Variants in RALGAPA1 observed in about 807,000 individuals in gnomAD.
RALGAPA1 encodes the protein ral GTPase-activating protein subunit alpha-1.
RALGAPA1 carries 52 observed loss-of-function variants against 269.6 expected under a neutral mutation model. The observed-to-expected ratio is 0.19, with a 90% CI of 0.15 to 0.24. The LOEUF is 0.24. Among genes scored for constraint, RALGAPA1 ranks in the 10% least tolerant of loss-of-function variants. The pLI is 1.00. For missense variants in RALGAPA1, 1,917 were observed against 3,013.9 expected, an observed-to-expected ratio of 0.64 and a Z score of 8.52; for synonymous variants, 817 against 1,008.3, an observed-to-expected ratio of 0.81 and a Z score of 3.60.
At chr14:35,682,036 T>A (rs1156857711) in intron 21 of RALGAPA1, among the ~76,000 whole-genome samples, 7 of 152,228 alleles carry the variant, frequency 4.6e-5, no homozygotes, top group Non-Finnish European at 7.3e-5. Flanking sequence ...ATGAATATAC[T>A]ACAATTTATT....
rs113990633 is a variant in RALGAPA1, at chr14:35,542,351, A to AG, written c.*24-2662dup. The AG allele has an allele frequency of 3.5e-4, 59 of 168,692 alleles. 1 individual carries two copies. Among genetic ancestry groups the AG allele is most frequent in the Middle Eastern group, 2.7e-3 (1 of 364 alleles). 10.4% of individuals were successfully genotyped at this position (168,692 alleles called of 1,614,324 possible). ...AGAACATTTCCATCACCATAGAAGG[A>AG]GGGCTTTATCAGAGAGCATTGCTCT... On this transcript the variant is annotated intron_variant, in intron 41 of 41. Coordinates refer to ENST00000680220, the MANE Select transcript of RALGAPA1 (RefSeq NM_001346249.2).
chr14:35,741,425 G>T lies in RALGAPA1; in HGVS notation c.1449+943C>A, dbSNP rs559582629. On this transcript the variant is annotated intron_variant, in intron 11 of 41. Transcript: ENST00000680220. ...TACATTTTTCCCTTTCTTAGAAGGG[G>T]GGAGGGTGCTCTATGTTTGTGTGTA... Among the ~76,000 whole-genome samples the T allele has an allele frequency of 3.3e-5, 5 of 151,950 alleles. No individual in the cohort carries two copies. In the East Asian group the frequency reaches 9.7e-4, roughly 29 times the overall value.
intron 21 of RALGAPA1, 45 bp downstream of exon 21, chr14:35,683,764 C>A: frequency 7.0e-7 from 1 of 1,429,254 alleles, no homozygotes; most frequent in Non-Finnish European, 9.5e-7. Context: ...TCTTTGAAGG[C>A]TTAAAAAATA....
chr14:35,716,878 C>T (rs2068878332), intron 16 of RALGAPA1, among the ~76,000 whole-genome samples: 1 of 152,156 alleles, frequency 6.6e-6, no homozygotes, highest in Admixed American at 6.5e-5. Flanking sequence ...GGTATATAGG[C>T]TTGATTCCAG....
In RALGAPA1 at chr14:35,728,521, A is replaced by G; in HGVS notation, c.1588-11T>C. The stretch of plus-strand genomic sequence containing the variant: ...GTTTATAATAAACACCTAAGACAAA[A>G]GAAATCATTAGCTATTCACAAAGGA... On this transcript the variant is annotated splice_polypyrimidine_tract_variant and intron_variant, in intron 12 of 41. Transcript: ENST00000680220. 1 of 1,578,120 alleles carries G rather than the reference A, an allele frequency of 6.3e-7. No individual in the cohort carries two copies. Among genetic ancestry groups the G allele is most frequent in the Non-Finnish European group, 8.6e-7 (1 of 1,166,138 alleles).
chr14:35,665,219 A>G (rs999212006), intron 26 of RALGAPA1, among the ~76,000 whole-genome samples: 2 of 152,218 alleles, frequency 1.3e-5, no homozygotes, highest in Non-Finnish European at 2.9e-5. Context: ...GATGGCTTTT[A>G]TGATATTATG....
chr14:35,630,828 G>A (rs1387068342), intron 33 of RALGAPA1, among the ~76,000 whole-genome samples: 4 of 151,938 alleles, frequency 2.6e-5, no homozygotes, highest in African/African-American at 9.7e-5. Flanking sequence ...CTGAGATCGC[G>A]CCACTGCACT....
chr14:35,560,158 AAC>A (rs2056064916), intron 39 of RALGAPA1, among the ~76,000 whole-genome samples: 1 of 152,226 alleles, frequency 6.6e-6, no homozygotes, highest in South Asian at 2.1e-4. Context: ...ACGGGTAAAA[AAC>A]ACACAATAGC....
intron 37 of RALGAPA1, among the ~76,000 whole-genome samples, chr14:35,590,893 T>A (rs538224314): frequency 6.6e-6 from 1 of 152,212 alleles, no homozygotes; most frequent in Non-Finnish European, 1.5e-5. Context: ...GTTGGTTACA[T>A]TTAGTAATAG....
At chr14:35,751,017 T>C (rs2072630552) in intron 8 of RALGAPA1, among the ~76,000 whole-genome samples, 1 of 152,164 alleles carries the variant, frequency 6.6e-6, no homozygotes, top group African/African-American at 2.4e-5. Context: ...CTGAAACACA[T>C]AGTTTGAAGT....
intron 36 of RALGAPA1, among the ~76,000 whole-genome samples, chr14:35,603,403 G>A (rs946236698): frequency 2.0e-5 from 3 of 151,994 alleles, no homozygotes; most frequent in East Asian, 1.9e-4. Context: ...TATACTACAC[G>A]TTTGACAAAT....
intron 17 of RALGAPA1, among the ~76,000 whole-genome samples, chr14:35,699,425 A>G (rs2067158635): frequency 6.6e-6 from 1 of 152,096 alleles, no homozygotes; most frequent in Non-Finnish European, 1.5e-5. Flanking sequence ...CAATTTTCAA[A>G]AATCATTCAG....
chr14:35,650,558 A>T (rs1458074452), intron 31 of RALGAPA1, among the ~76,000 whole-genome samples: 5 of 152,198 alleles, frequency 3.3e-5, no homozygotes, highest in African/African-American at 1.2e-4. Flanking sequence ...AAACACATGA[A>T]ATCAGTAAGA....
intron 33 of RALGAPA1, among the ~76,000 whole-genome samples, chr14:35,630,006 GA>G (rs1028883944): frequency 6.6e-6 from 1 of 152,062 alleles, no homozygotes; most frequent in African/African-American, 2.4e-5. Context: ...TTTGTGCACT[GA>G]TGGTATAATC....
rs549713516 is a variant in RALGAPA1, at chr14:35,553,116, G to C, written c.7497-3882C>G. Among the ~76,000 whole-genome samples, 34 of 152,278 alleles carry C rather than the reference G, an allele frequency of 2.2e-4. 1 individual carries two copies. In the South Asian group the frequency reaches 6.6e-3, roughly 30 times the overall value. ...CACTTCATAGGGTGTTGAAGATAAA[G>C]GATACAAATACGGGGTAACACAAAA... On this transcript the variant is annotated intron_variant, in intron 39 of 41. Coordinates refer to ENST00000680220, the MANE Select transcript of RALGAPA1 (RefSeq NM_001346249.2).
chr14:35,764,215 T>A (rs1266188000), intron 4 of RALGAPA1, among the ~76,000 whole-genome samples: 2 of 151,938 alleles, frequency 1.3e-5, no homozygotes, highest in African/African-American at 4.8e-5. Flanking sequence ...TTCAGCCTCC[T>A]GAGTAGCTGG....
intron 1 of RALGAPA1, among the ~76,000 whole-genome samples, chr14:35,797,579 C>T (rs1419186682): frequency 6.6e-6 from 1 of 151,974 alleles, no homozygotes; most frequent in Admixed American, 6.5e-5. Context: ...GGTGCAGTGG[C>T]TCACGCCTGT....
chr14:35,575,813 C>T (rs2057521286), intron 37 of RALGAPA1, among the ~76,000 whole-genome samples: 1 of 151,980 alleles, frequency 6.6e-6, no homozygotes, highest in Non-Finnish European at 1.5e-5. Context: ...AGGCTGGTCT[C>T]GAACTCCTGA....
At chr14:35,675,065 T>C (rs1468862426) in intron 22 of RALGAPA1, among the ~76,000 whole-genome samples, 15 of 152,190 alleles carry the variant, frequency 9.9e-5, no homozygotes, top group Admixed American at 9.8e-4. Flanking sequence ...TCAGGTTATA[T>C]CATCAAATTA....
Sources: allele counts gnomAD v4.1 joint callset (sites outside exome capture counted in the v4.1 genomes callset), GRCh38; gene constraint gnomAD v4.1.1; transcripts MANE v1.5; gene names NCBI Gene and HGNC (gene_info 2026-07-23, HGNC 2026-07-21).